Variants in FAM107A observed in about 807,000 individuals in gnomAD.
The protein encoded by FAM107A is actin-associated protein FAM107A.
A neutral mutation model predicts 13.7 loss-of-function variants in FAM107A; 19 were observed. The ratio of observed to expected loss-of-function variants is 1.38; its 90% CI spans 0.97 to 2.03. The LOEUF is 2.03. FAM107A is among the 30% of genes most tolerant of loss of function. The pLI is 0.00. For missense variants in FAM107A, 203 were observed against 184.4 expected, an observed-to-expected ratio of 1.10 and a Z score of -0.58; for synonymous variants, 82 against 74.5, an observed-to-expected ratio of 1.10 and a Z score of -0.52.
In FAM107A at chr3:58,623,904, G is replaced by A. The variant is rs373996062; in HGVS notation, c.-70+3512C>T. Among the ~76,000 whole-genome samples, 5 of 152,220 alleles carry A rather than the reference G, an allele frequency of 3.3e-5. No individual in the cohort carries two copies. The South Asian group carries it at 1.0e-3, about 32-fold the overall frequency. On this transcript the variant is annotated intron_variant, in intron 1 of 3. Transcript: ENST00000465970. ...CCATTTAGCAGCCCCTTTAAGGGTG[G>A]CATTACGGTCACAGCCTGGGGAGCT...
At position 58,566,833 on chromosome 3, in the gene FAM107A, G is replaced by A. The variant is rs1266678433; in HGVS notation, c.328-138C>T. ...GGGGATGAGTTTTGCTATCAGCCTG[G>A]TAGCTGGGGCACAGAGCATGAGACT... is the stretch of plus-strand genomic sequence containing the variant. On this transcript the variant is annotated intron_variant, in intron 3 of 3. Transcript: ENST00000360997. 4.4e-6 allele frequency: 3 copies of A among 679,048 alleles called. No homozygotes were observed. In the East Asian group the frequency reaches 7.8e-5, roughly 18 times the overall value. 42.1% of individuals were successfully genotyped at this position (679,048 alleles called of 1,614,324 possible).
At chr3:58,611,048 T>C (rs1214063907) in intron 1 of FAM107A, among the ~76,000 whole-genome samples, 4 of 152,308 alleles carry the variant, frequency 2.6e-5, no homozygotes, top group African/African-American at 9.6e-5. Flanking sequence ...TATTAGGGAC[T>C]TTTCTCCCTT....
At chr3:58,587,339 TCC>T (rs1287455623), upstream of FAM107A, among the ~76,000 whole-genome samples, 1 of 152,206 alleles carries the variant, frequency 6.6e-6, no homozygotes, top group Non-Finnish European at 1.5e-5. Context: ...TGGGATCAGG[TCC>T]CACCACCACC....
At chr3:58,610,204 A>G (rs2065839810) in intron 1 of FAM107A, among the ~76,000 whole-genome samples, 1 of 152,204 alleles carries the variant, frequency 6.6e-6, no homozygotes, top group African/African-American at 2.4e-5. Flanking sequence ...CCCGCGTACA[A>G]CCACCAGACT....
At chr3:58,581,164 G>A (rs901934122), upstream of FAM107A, among the ~76,000 whole-genome samples, 9 of 152,196 alleles carry the variant, frequency 5.9e-5, no homozygotes, top group Admixed American at 2.0e-4. Context: ...ATACTTGCTC[G>A]GCCCCCTGGT....
At position 58,569,198 on chromosome 3, in the gene FAM107A, C is replaced by G. The variant is rs1406572237; in HGVS notation, c.170+493G>C. 6.6e-6 allele frequency among the ~76,000 whole-genome samples: 1 copy of G among 152,206 alleles called. No individual in the cohort carries two copies. The highest frequency in any genetic ancestry group is 2.4e-5 in the African/African-American group (1 of 41,454). On this transcript the variant is annotated intron_variant, in intron 2 of 3. Coordinates refer to ENST00000360997, the MANE Select transcript of FAM107A (RefSeq NM_001076778.3). This position sits in a 1 kb window ranked among gnomAD's most constrained non-coding sequence, Gnocchi z 5.7. ...CATCCAGCACCCACCTCCGGCCTGG[C>G]TAACTCCAGTCCCCCTTCAGGTCAT...
chr3:58,601,587 A>G (rs767941622), intron 1 of FAM107A, among the ~76,000 whole-genome samples: 7 of 152,326 alleles, frequency 4.6e-5, no homozygotes, highest in Non-Finnish European at 8.8e-5. Flanking sequence ...TGTTATGAGG[A>G]AGGTTTCAAT....
At chr3:58,607,913 C>T (rs1475305023) in intron 1 of FAM107A, 4 of 152,228 alleles carry the variant, frequency 2.6e-5, no homozygotes, top group Non-Finnish European at 5.9e-5. Context: ...CATGCCTTGA[C>T]TGCAGCTTGT....
chr3:58,623,741 T>C (rs1474059114), intron 1 of FAM107A, among the ~76,000 whole-genome samples: 1 of 152,242 alleles, frequency 6.6e-6, no homozygotes, highest in Non-Finnish European at 1.5e-5. Context: ...TGGGTGACCC[T>C]GAGCCTCTTG....
rs1188230680 is a variant in FAM107A, at chr3:58,617,024, G to A, written c.-70+10392C>T. Among the ~76,000 whole-genome samples, 6 of 152,054 alleles carry A rather than the reference G, an allele frequency of 3.9e-5. No homozygotes were observed. Among genetic ancestry groups the A allele is most frequent in the Admixed American group, 2.0e-4 (3 of 15,268 alleles). On this transcript the variant is annotated intron_variant, in intron 1 of 3. Coordinates refer to the FAM107A transcript ENST00000465970. This position sits in a 1 kb window ranked among gnomAD's most constrained non-coding sequence, Gnocchi z 4.5. ...CTTGACCTTGTGATCCGCCTGCCTC[G>A]GCCTCCCAAAGTGCTGGGATTACAG... is the stretch of plus-strand genomic sequence containing the variant.
At chr3:58,611,535 G>A (rs2065854080) in intron 1 of FAM107A, among the ~76,000 whole-genome samples, 1 of 152,234 alleles carries the variant, frequency 6.6e-6, no homozygotes, top group South Asian at 2.1e-4. Context: ...TCAGCCCAGG[G>A]AGCCTTGACA....
At chr3:58,621,357 C>T (rs2065953392) in intron 1 of FAM107A, among the ~76,000 whole-genome samples, 1 of 152,108 alleles carries the variant, frequency 6.6e-6, no homozygotes, top group Non-Finnish European at 1.5e-5. Context: ...GCACAGGGCT[C>T]TGAGCTCAGA....
At chr3:58,586,942 C>G (rs1312765786) in exon 1 of FAM107A, 2 of 1,527,458 alleles carry the variant, frequency 1.3e-6, no homozygotes, top group South Asian at 2.4e-5. Context: ...GCCATGCCCC[C>G]GCGCCTCCTA....
At chr3:58,608,009 T>G (rs1461647284) in intron 1 of FAM107A, 1 of 152,186 alleles carries the variant, frequency 6.6e-6, no homozygotes, top group African/African-American at 2.4e-5. Flanking sequence ...CAGCCACTGA[T>G]TTTGTGGTCA....
At chr3:58,575,537 G>C (rs545732353) in intron 1 of FAM107A, among the ~76,000 whole-genome samples, 1 of 152,314 alleles carries the variant, frequency 6.6e-6, no homozygotes, top group African/African-American at 2.4e-5. Context: ...GATACACAGA[G>C]AGTAAGCAGC....
At chr3:58,622,198 G>A (rs2065962794) in intron 1 of FAM107A, among the ~76,000 whole-genome samples, 1 of 152,162 alleles carries the variant, frequency 6.6e-6, no homozygotes, top group Non-Finnish European at 1.5e-5. Flanking sequence ...CAGCACTTTG[G>A]GAGGCTGAGG....
At chr3:58,622,531 C>A (rs565928455) in intron 1 of FAM107A, among the ~76,000 whole-genome samples, 1 of 152,170 alleles carries the variant, frequency 6.6e-6, no homozygotes, top group Non-Finnish European at 1.5e-5. Flanking sequence ...TCTTCCTTTC[C>A]GTCATCTTCC....
chr3:58,578,033 C>T (rs1184105817), upstream of FAM107A, among the ~76,000 whole-genome samples: 1 of 152,158 alleles, frequency 6.6e-6, no homozygotes, highest in Non-Finnish European at 1.5e-5. Flanking sequence ...AGCAGCCACT[C>T]AGTGTCTCTG....
At chr3:58,615,261 A>C (rs917707392) in intron 1 of FAM107A, among the ~76,000 whole-genome samples, 2 of 152,126 alleles carry the variant, frequency 1.3e-5, no homozygotes, top group African/African-American at 4.8e-5. Flanking sequence ...TAATTTTTTC[A>C]TGACTTTTAC....
Sources: allele counts gnomAD v4.1 joint callset (sites outside exome capture counted in the v4.1 genomes callset), GRCh38; gene constraint gnomAD v4.1.1; non-coding constraint Gnocchi (gnomAD v3.1); transcripts MANE v1.5; gene names NCBI Gene and HGNC (gene_info 2026-07-23, HGNC 2026-07-21).